CNTNAP5: variants seen among roughly 807,000 people sequenced by gnomAD.
The protein encoded by CNTNAP5 is contactin-associated protein-like 5.
A neutral mutation model predicts 150.2 loss-of-function variants in CNTNAP5; 72 were observed. The ratio of observed to expected loss-of-function variants is 0.48; its 90% confidence interval spans 0.40 to 0.58. CNTNAP5 has a LOEUF of 0.58. Among genes scored for constraint, CNTNAP5 ranks in the 20% least tolerant of loss-of-function variants. The probability of loss-of-function intolerance (pLI) is 0.00; values close to 1 mark genes in which losing one functional copy is unlikely to be tolerated. For missense variants in CNTNAP5, 1,636 were observed against 1,626.2 expected (o/e 1.01, Z -0.10); for synonymous variants, 672 against 619.8 (o/e 1.08, Z -1.25).
chr2:124,883,842 A>G (rs964607235), intron 21 of CNTNAP5, among the ~76,000 whole-genome samples: 1 of 152,062 alleles, frequency 6.6e-6, no homozygotes, highest in African/African-American at 2.4e-5. Context: ...ATATATGTAT[A>G]TCTGGATATC....
chr2:124,528,359 C>T (rs911996059), intron 10 of CNTNAP5, among the ~76,000 whole-genome samples: 1 of 152,074 alleles, frequency 6.6e-6, no homozygotes, highest in Non-Finnish European at 1.5e-5. Flanking sequence ...GAGAATGAGT[C>T]GAAGAAGGTT....
chr2:124,850,965 T>A (rs1228974263), intron 19 of CNTNAP5, among the ~76,000 whole-genome samples: 2 of 152,110 alleles, frequency 1.3e-5, no homozygotes, highest in Admixed American at 1.3e-4. Context: ...CTGGAATAAG[T>A]TTCAAAAGTA....
At chr2:124,607,448 A>G (rs1023190005) in intron 11 of CNTNAP5, among the ~76,000 whole-genome samples, 1 of 152,124 alleles carries the variant, frequency 6.6e-6, no homozygotes, top group Non-Finnish European at 1.5e-5. Flanking sequence ...CTGTTGTTTT[A>G]TAATCTAATC....
rs1365527206 is a variant in CNTNAP5 at position 124,896,390 on chromosome 2, T to A, written c.3437-6492T>A. On this transcript the variant is annotated intron_variant, in intron 21 of 23. Transcript: ENST00000682447. ...TTACTAATATTGGCTTGACACTTAC[T>A]CTGTATTGGACACTGTGTTCTGGTT... Among the ~76,000 whole-genome samples the A allele has an allele frequency of 3.3e-5, 5 of 151,570 alleles. 1 individual carries two copies. Among genetic ancestry groups the A allele is most frequent in the African/African-American group, 1.2e-4 (5 of 40,902 alleles).
chr2:124,706,795 AAGGAGGAGG>A lies in CNTNAP5; in HGVS notation c.2078-40411_2078-40403del, dbSNP rs1192390906. Reference sequence around the variant, plus strand: ...GAAGAAGAAGAAGAAGAAGAAGAAGAAGGAGGAGGAGGAGGAGGAGGAGGAGGAGGAAGA... The same window carrying A: ...GAAGAAGAAGAAGAAGAAGAAGAAGAAGGAGGAGGAGGAGGAGGAGGAAGA... On this transcript the variant is annotated intron_variant, in intron 13 of 23. Transcript: ENST00000682447. Among the ~76,000 whole-genome samples, 25 of 18,876 alleles carry A rather than the reference AAGGAGGAGG, an allele frequency of 1.3e-3. 1 individual carries two copies. The highest frequency in any genetic ancestry group is 4.9e-3 in the African/African-American group (24 of 4,924). The allele number at this position is 18,876 out of a possible 152,430, so 12.4% of individuals were successfully genotyped here.
intron 3 of CNTNAP5, among the ~76,000 whole-genome samples, chr2:124,381,597 T>C (rs546626787): frequency 6.6e-6 from 1 of 152,164 alleles, no homozygotes; most frequent in South Asian, 2.1e-4. Flanking sequence ...TGCTGAGATG[T>C]GTAAGTGCTG....
At chr2:124,221,559 T>C in intron 1 of CNTNAP5, 146 bp from the exon 2 acceptor site, 1 of 591,316 alleles carries the variant, frequency 1.7e-6, no homozygotes, top group Middle Eastern at 3.5e-4. Context: ...GTAGATGCAG[T>C]AACACATGGA....
chr2:124,241,842 C>T (rs1244496262), intron 2 of CNTNAP5, among the ~76,000 whole-genome samples: 1 of 152,036 alleles, frequency 6.6e-6, no homozygotes, highest in Non-Finnish European at 1.5e-5. Context: ...AGAGAGAGCA[C>T]ATGTAAGCCT....
intron 1 of CNTNAP5, 55 bp from the exon 2 acceptor site, chr2:124,221,650 A>G: frequency 9.1e-7 from 1 of 1,104,758 alleles, no homozygotes; most frequent in Non-Finnish European, 1.4e-6. Context: ...TTCTTATGGA[A>G]TGTTTCTTGC....
rs899980327 is a variant in CNTNAP5 at position 124,372,126 on chromosome 2, G to A, written c.382-45317G>A. Among the ~76,000 whole-genome samples the A allele has an allele frequency of 5.3e-5, 8 of 151,960 alleles. No homozygotes were observed. The East Asian group carries it at 1.2e-3, about 22-fold the overall frequency. ...GAAGGGGGATATTCAGTTTTGCAGC[G>A]CTTCCTCTCTATCTTCCTTCCCCAG... On this transcript the variant is annotated intron_variant, in intron 3 of 23. Transcript: ENST00000682447.
At chr2:124,052,538 G>A (rs547969503) in intron 1 of CNTNAP5, among the ~76,000 whole-genome samples, 27 of 152,338 alleles carry the variant, frequency 1.8e-4, no homozygotes, top group African/African-American at 6.5e-4. Flanking sequence ...AGAACTTTCA[G>A]TGTTTGATAG....
intron 3 of CNTNAP5, among the ~76,000 whole-genome samples, chr2:124,284,795 A>G (rs77339933): frequency 0.076 from 11,532 of 152,186 alleles, 595 homozygotes; most frequent in Non-Finnish European, 0.12. Flanking sequence ...TAAAATTGTT[A>G]TGCCTGCTTC....
chr2:124,500,498 T>C (rs1694252473), intron 7 of CNTNAP5, among the ~76,000 whole-genome samples: 1 of 152,122 alleles, frequency 6.6e-6, no homozygotes, highest in Non-Finnish European at 1.5e-5. Flanking sequence ...AGGAGCTTTG[T>C]TGAAGGCAGA....
At chr2:124,899,568 C>G (rs894078375) in intron 21 of CNTNAP5, among the ~76,000 whole-genome samples, 3 of 151,516 alleles carry the variant, frequency 2.0e-5, no homozygotes, top group Admixed American at 2.0e-4. Flanking sequence ...AAGGCAGTGA[C>G]AAGACTTTTG....
At chr2:124,089,019 T>C (rs575334714) in intron 1 of CNTNAP5, among the ~76,000 whole-genome samples, 30 of 152,298 alleles carry the variant, frequency 2.0e-4, no homozygotes, top group Non-Finnish European at 3.5e-4. Context: ...TTTGGGGCAC[T>C]TTTCATCTAC....
At chr2:124,530,124 C>A (rs1695069242) in intron 10 of CNTNAP5, among the ~76,000 whole-genome samples, 2 of 152,020 alleles carry the variant, frequency 1.3e-5, no homozygotes, top group South Asian at 4.2e-4. Flanking sequence ...TCAGCCTGGC[C>A]AATATGGTAA....
chr2:124,693,840 C>CAA (rs142663614), intron 13 of CNTNAP5, among the ~76,000 whole-genome samples: 1,467 of 121,684 alleles, frequency 0.012, 30 homozygotes, highest in African/African-American at 0.04. Context: ...AAAAAAAAGG[C>CAA]AAAAAAAAAA....
intron 19 of CNTNAP5, among the ~76,000 whole-genome samples, chr2:124,834,451 C>T (rs1007608373): frequency 2.6e-5 from 4 of 152,262 alleles, no homozygotes; most frequent in African/African-American, 7.2e-5. Flanking sequence ...TGTGCCACCA[C>T]GTTTCCTAGC....
At chr2:124,146,284 C>T (rs1213105921) in intron 1 of CNTNAP5, among the ~76,000 whole-genome samples, 1 of 152,136 alleles carries the variant, frequency 6.6e-6, no homozygotes, top group African/African-American at 2.4e-5. Context: ...AACTTAGTTC[C>T]CAAAACAAAA....
Sources: gnomAD v4.1 joint callset for allele counts (sites outside exome capture counted in the v4.1 genomes callset) on GRCh38, gnomAD v4.1.1 for gene constraint, MANE v1.5 for transcripts, NCBI Gene and HGNC (gene_info 2026-07-23, HGNC 2026-07-21) for gene names.